Variants in SLC35D4 observed in about 807,000 individuals in gnomAD.
SLC35D4 encodes UDP-N-acetylglucosamine transporter SLC35D4.
the SLC35D4 span, chr18:23,352,334 T>C: frequency 2.0e-6 from 3 of 1,522,468 alleles, no homozygotes; most frequent in Non-Finnish European, 2.7e-6. Context: ...TTGTCTTCCC[T>C]TAGCCAATGG....
the SLC35D4 span, among the ~76,000 whole-genome samples, chr18:23,370,043 G>A: frequency 6.6e-6 from 1 of 152,156 alleles, no homozygotes; most frequent in Non-Finnish European, 1.5e-5. Context: ...GCCAAGCATG[G>A]TGGCGCATGC....
the SLC35D4 span, among the ~76,000 whole-genome samples, chr18:23,268,807 T>C: frequency 5.0e-5 from 7 of 141,174 alleles, no homozygotes; most frequent in East Asian, 1.9e-4. Flanking sequence ...TGTGTGCGTG[T>C]GTGTGTGTGT....
the SLC35D4 span, among the ~76,000 whole-genome samples, chr18:23,310,916 A>C: frequency 6.6e-6 from 1 of 152,220 alleles, no homozygotes; most frequent in Non-Finnish European, 1.5e-5. Context: ...TTACAAAAAA[A>C]GACCTGGGTA....
chr18:23,411,947 C>A, the SLC35D4 span, among the ~76,000 whole-genome samples: 2 of 152,222 alleles, frequency 1.3e-5, no homozygotes, highest in South Asian at 4.1e-4. Flanking sequence ...GCTGAAAAGG[C>A]TCCTGAAGCT....
chr18:23,356,714 C>A, the SLC35D4 span: 7 of 1,571,872 alleles, frequency 4.5e-6, no homozygotes, highest in Non-Finnish European at 6.1e-6. The surrounding 1 kb of genome is among the most constrained non-coding windows in gnomAD (Gnocchi z 4.1). Context: ...CTCACATGAC[C>A]CTCTGCCCCA....
At chr18:23,344,600 C>CTTTTTTTTTTTTTTTTTT in the SLC35D4 span, among the ~76,000 whole-genome samples, 1 of 126,074 alleles carries the variant, frequency 7.9e-6, no homozygotes. Context: ...TTTTTTTCTT[C>CTTTTTTTTTTTTTTTTTT]TTTTTTTTTT....
At chr18:23,308,944 C>T in the SLC35D4 span, among the ~76,000 whole-genome samples, 2 of 147,024 alleles carry the variant, frequency 1.4e-5, no homozygotes, top group South Asian at 2.2e-4. Context: ...TGTTCCAGGA[C>T]GTCCATGGGT....
At chr18:23,242,401 C>T in the SLC35D4 span, among the ~76,000 whole-genome samples, 1 of 152,192 alleles carries the variant, frequency 6.6e-6, no homozygotes, top group Non-Finnish European at 1.5e-5. Context: ...TACGTGCAGA[C>T]TCTTGCTGGG....
the SLC35D4 span, among the ~76,000 whole-genome samples, chr18:23,329,935 T>C: frequency 1.3e-5 from 2 of 152,116 alleles, no homozygotes; most frequent in African/African-American, 4.8e-5. Context: ...ACCATCAATC[T>C]GAGCTATCAC....
chr18:23,338,255 C>T, the SLC35D4 span, among the ~76,000 whole-genome samples: 4 of 152,190 alleles, frequency 2.6e-5, no homozygotes, highest in African/African-American at 9.7e-5. Context: ...CAGTGAGAGA[C>T]CTTGTCCTCA....
At chr18:23,241,279 T>C in the SLC35D4 span, among the ~76,000 whole-genome samples, 1 of 152,092 alleles carries the variant, frequency 6.6e-6, no homozygotes, top group Non-Finnish European at 1.5e-5. Context: ...CCCAGCACTT[T>C]GGGAGGCCGA....
the SLC35D4 span, among the ~76,000 whole-genome samples, chr18:23,287,379 A>G: frequency 2.6e-4 from 40 of 152,296 alleles, no homozygotes; most frequent in South Asian, 6.2e-4. Context: ...CCTGACACCC[A>G]TCAGGCTCAG....
the SLC35D4 span, among the ~76,000 whole-genome samples, chr18:23,373,056 G>A: frequency 5.2e-3 from 787 of 152,310 alleles, 11 homozygotes; most frequent in African/African-American, 0.018. Flanking sequence ...GCTCACGCCT[G>A]TAATACCAGC....
the SLC35D4 span, among the ~76,000 whole-genome samples, chr18:23,339,100 A>G: frequency 6.6e-6 from 1 of 152,224 alleles, no homozygotes; most frequent in African/African-American, 2.4e-5. Flanking sequence ...TATGTTGCCC[A>G]GGCTGGTCTT....
At chr18:23,427,227 A>G in the SLC35D4 span, among the ~76,000 whole-genome samples, 4 of 152,254 alleles carry the variant, frequency 2.6e-5, no homozygotes, top group South Asian at 2.1e-4. Context: ...CAGAGTGAAC[A>G]GGCAACCCAC....
At chr18:23,332,935 T>C in the SLC35D4 span, among the ~76,000 whole-genome samples, 1 of 152,228 alleles carries the variant, frequency 6.6e-6, no homozygotes, top group Non-Finnish European at 1.5e-5. Flanking sequence ...CAGGTCTTTC[T>C]GTCTCCGAAA....
the SLC35D4 span, among the ~76,000 whole-genome samples, chr18:23,295,659 C>T: frequency 1.3e-5 from 2 of 152,156 alleles, no homozygotes; most frequent in Non-Finnish European, 2.9e-5. Flanking sequence ...TCCAAATACA[C>T]GAATCCATTG....
the SLC35D4 span, among the ~76,000 whole-genome samples, chr18:23,411,921 T>C: frequency 2.6e-5 from 4 of 152,254 alleles, no homozygotes; most frequent in Non-Finnish European, 5.9e-5. Context: ...AATTTGCAGT[T>C]TAGCTCTTCA....
chr18:23,304,045 G>A, the SLC35D4 span, among the ~76,000 whole-genome samples: 1 of 89,524 alleles, frequency 1.1e-5, no homozygotes. Flanking sequence ...GAGAGGCCCT[G>A]TGTTTAAATT....
Sources: allele counts gnomAD v4.1 joint callset (sites outside exome capture counted in the v4.1 genomes callset), GRCh38; gene constraint gnomAD v4.1.1; non-coding constraint Gnocchi (gnomAD v3.1); transcripts MANE v1.5; gene names NCBI Gene and HGNC (gene_info 2026-07-23, HGNC 2026-07-21).